Variants in CACNA2D1 observed in about 807,000 individuals in gnomAD.
CACNA2D1 encodes the protein calcium voltage-gated channel auxiliary subunit alpha2delta 1.
CACNA2D1 carries 53 observed loss-of-function variants against 171.5 expected under a neutral mutation model. The observed-to-expected ratio is 0.31, with a 90% CI of 0.25 to 0.39. CACNA2D1 has a LOEUF of 0.39. Ranked by LOEUF, CACNA2D1 falls within the 10% of genes least tolerant of loss-of-function variation. CACNA2D1 has a pLI of 1.00. For missense variants in CACNA2D1, 903 were observed against 1,299.8 expected (o/e 0.69, Z 4.69); for synonymous variants, 442 against 443.1 (o/e 1.00, Z 0.03).
chr7:82,287,458 C>T (rs752766719), intron 3 of CACNA2D1, among the ~76,000 whole-genome samples: 28 of 152,126 alleles, frequency 1.8e-4, no homozygotes, highest in Non-Finnish European at 3.8e-4. Context: ...CACCCCAATG[C>T]ACAGTTGTGT....
At position 81,965,509 on chromosome 7, in the gene CACNA2D1, TCTAAAACACTGAAAG is replaced by T. The variant is rs1311282115; in HGVS notation, c.2574+70_2574+84del. On this transcript the variant is annotated intron_variant, in intron 32 of 38. Transcript: ENST00000356860. ...ACAGAAATAAAACAACTCATCGATT[TCTAAAACACTGAAAG>T]AGGTTTTGTAATGTTGATCCGGGAA... 3.1e-5 allele frequency: 25 copies of T among 799,270 alleles called. No homozygotes were observed. The East Asian group carries it at 5.1e-4, about 16-fold the overall frequency. The allele number at this position is 799,270 out of a possible 1,614,324, so 49.5% of individuals were successfully genotyped here.
At chr7:82,053,220 C>A (rs1805410687) in intron 10 of CACNA2D1, among the ~76,000 whole-genome samples, 1 of 134,600 alleles carries the variant, frequency 7.4e-6, no homozygotes, top group African/African-American at 2.7e-5. Flanking sequence ...CCACTGCACT[C>A]CAGCCTGGGT....
intron 3 of CACNA2D1, among the ~76,000 whole-genome samples, chr7:82,232,590 G>GT (rs749173035): frequency 1.0e-3 from 159 of 152,136 alleles, no homozygotes; most frequent in Middle Eastern, 3.4e-3. Flanking sequence ...GGTTGGCCGG[G>GT]TGCAGTGGCT....
At chr7:82,187,612 T>A (rs553928750) in intron 3 of CACNA2D1, among the ~76,000 whole-genome samples, 1 of 152,310 alleles carries the variant, frequency 6.6e-6, no homozygotes, top group African/African-American at 2.4e-5. Flanking sequence ...TAGCCATCAA[T>A]GAATTAGAAT....
At chr7:82,045,947 A>G (rs1804505737) in intron 10 of CACNA2D1, among the ~76,000 whole-genome samples, 1 of 152,108 alleles carries the variant, frequency 6.6e-6, no homozygotes, top group Admixed American at 6.6e-5. Flanking sequence ...AATCATTTTC[A>G]ATTACAGTTT....
At chr7:82,423,967 A>C (rs1828950744) in intron 1 of CACNA2D1, among the ~76,000 whole-genome samples, 1 of 152,194 alleles carries the variant, frequency 6.6e-6, no homozygotes, top group Non-Finnish European at 1.5e-5. Context: ...AAGAAGGTTT[A>C]TAATATGTAT....
At chr7:82,117,233 T>C (rs1167511658) in intron 5 of CACNA2D1, 60 bp from the exon 6 acceptor site, 2 of 1,516,844 alleles carry the variant, frequency 1.3e-6, no homozygotes, top group Non-Finnish European at 1.8e-6. Flanking sequence ...TATTTTCACA[T>C]GCACTTCTTT....
intron 12 of CACNA2D1, chr7:82,020,860 G>A (rs866393568): frequency 2.0e-5 from 3 of 152,078 alleles, no homozygotes; most frequent in Admixed American, 6.6e-5. Context: ...GAATTTAATC[G>A]ATGTCTGTTG....
At chr7:82,332,929 G>A (rs1165667369) in intron 3 of CACNA2D1, among the ~76,000 whole-genome samples, 5 of 152,224 alleles carry the variant, frequency 3.3e-5, no homozygotes. Flanking sequence ...AGCCCAGCAG[G>A]TCGAGGCTGC....
chr7:82,195,643 A>C (rs1798772620), intron 3 of CACNA2D1, among the ~76,000 whole-genome samples: 1 of 150,298 alleles, frequency 6.7e-6, no homozygotes, highest in African/African-American at 2.5e-5. Context: ...ATAATTTCCT[A>C]ATCAATTTCA....
At chr7:82,120,156 T>C (rs565261218) in intron 5 of CACNA2D1, among the ~76,000 whole-genome samples, 3 of 152,294 alleles carry the variant, frequency 2.0e-5, no homozygotes, top group South Asian at 4.1e-4. Context: ...CACTCTAGCC[T>C]GGGTGACAGA....
intron 3 of CACNA2D1, among the ~76,000 whole-genome samples, chr7:82,305,158 A>G (rs1473544188): frequency 1.3e-5 from 2 of 152,204 alleles, no homozygotes; most frequent in Admixed American, 1.3e-4. Context: ...TGTGAAGAAT[A>G]ACTTATGAAA....
intron 10 of CACNA2D1, among the ~76,000 whole-genome samples, chr7:82,043,729 TGAG>T (rs1804218241): frequency 6.6e-6 from 1 of 152,192 alleles, no homozygotes; most frequent in South Asian, 2.1e-4. Flanking sequence ...AAAATATTTC[TGAG>T]AAGAGGGACT....
intron 3 of CACNA2D1, among the ~76,000 whole-genome samples, chr7:82,268,210 A>G (rs1010765316): frequency 1.3e-5 from 2 of 152,226 alleles, no homozygotes; most frequent in African/African-American, 4.8e-5. Context: ...GAGTTTAGAA[A>G]GATTAAAATT....
intron 1 of CACNA2D1, among the ~76,000 whole-genome samples, chr7:82,383,334 T>A (rs1015941682): frequency 1.1e-4 from 16 of 152,278 alleles, no homozygotes; most frequent in African/African-American, 3.1e-4. Flanking sequence ...GCGGTACCAC[T>A]GCCACTCTGA....
chr7:82,427,652 T>C (rs150774627), intron 1 of CACNA2D1, among the ~76,000 whole-genome samples: 4 of 152,302 alleles, frequency 2.6e-5, no homozygotes, highest in African/African-American at 9.6e-5. Context: ...AATGGGAAGG[T>C]TGACTTGTTC....
chr7:82,063,941 C>G (rs946071991), intron 9 of CACNA2D1, among the ~76,000 whole-genome samples: 23 of 151,914 alleles, frequency 1.5e-4, no homozygotes, highest in Middle Eastern at 3.4e-3. Flanking sequence ...TCACTGTAAC[C>G]TTGATCTCCT....
At chr7:82,139,557 T>C (rs1400892582) in intron 4 of CACNA2D1, among the ~76,000 whole-genome samples, 1 of 152,176 alleles carries the variant, frequency 6.6e-6, no homozygotes, top group Non-Finnish European at 1.5e-5. Flanking sequence ...TCTGAAACTC[T>C]ATGTTGCTTT....
chr7:82,157,442 A>G (rs1794481838), intron 4 of CACNA2D1, among the ~76,000 whole-genome samples: 1 of 152,046 alleles, frequency 6.6e-6, no homozygotes, highest in South Asian at 2.1e-4. Context: ...TCCCATTGCC[A>G]CCACAAATAA....
Sources: allele counts gnomAD v4.1 joint callset (sites outside exome capture counted in the v4.1 genomes callset), GRCh38; gene constraint gnomAD v4.1.1; transcripts MANE v1.5; gene names NCBI Gene and HGNC (gene_info 2026-07-23, HGNC 2026-07-21).